GTF2A1L: variants seen among roughly 807,000 people sequenced by gnomAD.
GTF2A1L encodes TFIIA-alpha and beta-like factor.
GTF2A1L carries 48 observed loss-of-function variants against 49.7 expected under a neutral mutation model. The ratio of observed to expected loss-of-function variants is 0.97; its 90% CI spans 0.77 to 1.23. The LOEUF (loss-of-function observed/expected upper bound fraction) is 1.23. GTF2A1L is among the 50% of genes most tolerant of loss of function. The probability of loss-of-function intolerance (pLI) is 0.00; values close to 1 mark genes in which losing one functional copy is unlikely to be tolerated. For synonymous variants in GTF2A1L, 246 were observed against 193.5 expected (o/e 1.27, Z -2.25); for missense variants, 736 against 564.8 (o/e 1.30, Z -3.07).
At chr2:48,633,601 A>G (rs979075521) in intron 3 of GTF2A1L, among the ~76,000 whole-genome samples, 2 of 152,220 alleles carry the variant, frequency 1.3e-5, no homozygotes, top group African/African-American at 2.4e-5. Context: ...CAGATGAGAA[A>G]AGTATTGTTC....
At chr2:48,624,873 A>G (rs1676216527) in intron 3 of GTF2A1L, among the ~76,000 whole-genome samples, 1 of 143,456 alleles carries the variant, frequency 7.0e-6, no homozygotes, top group East Asian at 1.9e-4. Flanking sequence ...GACAAATGGC[A>G]GACTCTCCCT....
intron 3 of GTF2A1L, among the ~76,000 whole-genome samples, chr2:48,637,279 G>T (rs1572714701): frequency 6.6e-6 from 1 of 152,146 alleles, no homozygotes; most frequent in Admixed American, 6.5e-5. Context: ...ATGTATCAAA[G>T]AATTTTTGAT....
Position 48,679,466 on chromosome 2 carries a change from T to G in GTF2A1L, c.*24T>G. On this transcript the variant is annotated 3_prime_UTR_variant, in exon 9 of 9. Coordinates refer to ENST00000403751, the MANE Select transcript of GTF2A1L (RefSeq NM_006872.5). ...AAACCTTGTGAGCTCAGTACATCTA[T>G]TTTGTGAACATCAGTTGGATTATAT... is the stretch of plus-strand genomic sequence containing the variant. 6.2e-7 allele frequency: 1 copy of G among 1,610,962 alleles called. No individual in the cohort carries two copies. The highest frequency in any genetic ancestry group is 1.1e-5 in the South Asian group (1 of 90,670).
At chr2:48,618,495 A>G (rs1332922911) in intron 1 of GTF2A1L, among the ~76,000 whole-genome samples, 1 of 152,194 alleles carries the variant, frequency 6.6e-6, no homozygotes, top group Non-Finnish European at 1.5e-5. Flanking sequence ...GAATCAAAGA[A>G]CAAAAATCAA....
At chr2:48,652,886 G>A (rs1289441918) in intron 6 of GTF2A1L, among the ~76,000 whole-genome samples, 1 of 151,116 alleles carries the variant, frequency 6.6e-6, no homozygotes, top group African/African-American at 2.4e-5. Flanking sequence ...GTAGACACGG[G>A]GGTTTCACCG....
chr2:48,641,589 T>C (rs1261381490), intron 3 of GTF2A1L, among the ~76,000 whole-genome samples: 2 of 152,198 alleles, frequency 1.3e-5, no homozygotes, highest in African/African-American at 2.4e-5. Flanking sequence ...TATTTAGTCA[T>C]GTTCAGGTAA....
At chr2:48,623,639 A>T (rs1676136674) in intron 3 of GTF2A1L, among the ~76,000 whole-genome samples, 1 of 152,250 alleles carries the variant, frequency 6.6e-6, no homozygotes, top group Non-Finnish European at 1.5e-5. Context: ...TACTACTCAC[A>T]TTAGCAAAGA....
chr2:48,628,193 G>T (rs977475023), intron 3 of GTF2A1L, among the ~76,000 whole-genome samples: 9 of 143,982 alleles, frequency 6.3e-5, no homozygotes, highest in African/African-American at 2.2e-4. Flanking sequence ...ACATGGGAGT[G>T]CATGTGTCAT....
chr2:48,632,983 T>C (rs745400598), intron 3 of GTF2A1L: 3 of 209,452 alleles, frequency 1.4e-5, no homozygotes, highest in Non-Finnish European at 3.1e-5. Context: ...TTGAAATTAG[T>C]AAGATGTGCT....
At chr2:48,636,003 G>C (rs1676867340) in intron 3 of GTF2A1L, among the ~76,000 whole-genome samples, 1 of 152,124 alleles carries the variant, frequency 6.6e-6, no homozygotes, top group African/African-American at 2.4e-5. Context: ...CTCATGTACT[G>C]GGGCTTCACT....
At chr2:48,632,877 C>G (rs1298901764) in intron 3 of GTF2A1L, 1 of 239,484 alleles carries the variant, frequency 4.2e-6, no homozygotes, top group African/African-American at 2.4e-5. Flanking sequence ...TCTAAACCAT[C>G]TTTAAAGAAA....
chr2:48,662,884 G>T (rs777804156), intron 6 of GTF2A1L, among the ~76,000 whole-genome samples: 1 of 151,994 alleles, frequency 6.6e-6, no homozygotes, highest in Non-Finnish European at 1.5e-5. Context: ...ATACTAGGAG[G>T]GGAACAATGA....
At chr2:48,645,947 CTT>C (rs71399071) in intron 5 of GTF2A1L, among the ~76,000 whole-genome samples, 2 of 144,346 alleles carry the variant, frequency 1.4e-5, no homozygotes, top group African/African-American at 2.5e-5. Context: ...CGCGCCTGGC[CTT>C]TTTTTTTTTT....
chr2:48,631,686 A>C (rs1380158677), intron 3 of GTF2A1L, among the ~76,000 whole-genome samples: 6 of 151,696 alleles, frequency 4.0e-5, no homozygotes, highest in Non-Finnish European at 8.8e-5. Flanking sequence ...GATTGTAGTT[A>C]TTTCTTTTCA....
At chr2:48,676,738 T>G (rs1679486077) in intron 8 of GTF2A1L, among the ~76,000 whole-genome samples, 3 of 151,696 alleles carry the variant, frequency 2.0e-5, no homozygotes, top group South Asian at 2.1e-4. Flanking sequence ...GAGCCATGAA[T>G]AAAAAGTTCT....
chr2:48,670,036 T>C, intron 7 of GTF2A1L, 54 bp downstream of exon 7: 2 of 1,543,140 alleles, frequency 1.3e-6, no homozygotes. Context: ...ACATTTCTAC[T>C]TTATTATGCC....
At chr2:48,658,962 G>C (rs1678334859) in intron 6 of GTF2A1L, among the ~76,000 whole-genome samples, 2 of 152,086 alleles carry the variant, frequency 1.3e-5, no homozygotes, top group Non-Finnish European at 2.9e-5. Flanking sequence ...AGTTTGGTGG[G>C]ATATGAAATT....
chr2:48,655,777 C>T (rs1288355571), intron 6 of GTF2A1L, among the ~76,000 whole-genome samples: 2 of 152,170 alleles, frequency 1.3e-5, no homozygotes, highest in East Asian at 3.9e-4. Context: ...TGTTGTGTAG[C>T]TATCACCACC....
At chr2:48,622,824 A>G (rs1299802979) in intron 3 of GTF2A1L, among the ~76,000 whole-genome samples, 2 of 140,776 alleles carry the variant, frequency 1.4e-5, no homozygotes, top group Non-Finnish European at 3.1e-5. Flanking sequence ...ACACAGTGAG[A>G]CTCCATCTTA....
Sources: gnomAD v4.1 joint callset for allele counts (sites outside exome capture counted in the v4.1 genomes callset) on GRCh38, gnomAD v4.1.1 for gene constraint, MANE v1.5 for transcripts, NCBI Gene and HGNC (gene_info 2026-07-23, HGNC 2026-07-21) for gene names.